Variants in MAP3K13 observed in about 807,000 individuals in gnomAD.
MAP3K13 encodes leucine zipper-bearing kinase.
Under a neutral mutation model 104.0 loss-of-function variants are expected in MAP3K13, and 52 were observed. That is an observed-to-expected ratio of 0.50 (90% CI 0.40 to 0.63). The LOEUF (loss-of-function observed/expected upper bound fraction) is 0.63, where lower values mean the gene tolerates loss of function less well. MAP3K13 is among the 20% of genes least tolerant of loss of function. MAP3K13 has a pLI of 0.00. For synonymous variants in MAP3K13, 394 were observed against 442.2 expected, an observed-to-expected ratio of 0.89 and a Z score of 1.37; for missense variants, 914 against 1,218.5, an observed-to-expected ratio of 0.75 and a Z score of 3.72.
At chr3:185,411,003 G>A (rs1423963404) in intron 1 of MAP3K13, among the ~76,000 whole-genome samples, 2 of 151,514 alleles carry the variant, frequency 1.3e-5, no homozygotes, top group Non-Finnish European at 2.9e-5. Context: ...AGTAAGTGAT[G>A]TTTATGTTAT....
chr3:185,331,268 T>C (rs1297373456), intron 2 of MAP3K13, among the ~76,000 whole-genome samples: 2 of 151,828 alleles, frequency 1.3e-5, no homozygotes, highest in East Asian at 1.9e-4. Context: ...TAATTTTGTA[T>C]TTTTAGTAAG....
chr3:185,307,547 T>TCCCCCCCCCCCCCAC (rs1560041671), intron 2 of MAP3K13, among the ~76,000 whole-genome samples: 1 of 110,230 alleles, frequency 9.1e-6, no homozygotes, highest in Non-Finnish European at 1.7e-5. Flanking sequence ...CACCACCCCC[T>TCCCCCCCCCCCCCAC]CCCCCGCCAC....
intron 2 of MAP3K13, among the ~76,000 whole-genome samples, chr3:185,325,407 A>G (rs535379322): frequency 6.6e-6 from 1 of 152,284 alleles, no homozygotes; most frequent in East Asian, 1.9e-4. Flanking sequence ...ATACAGTCAC[A>G]TTCATAGATT....
chr3:185,455,681 G>C (rs62650470), intron 7 of MAP3K13, among the ~76,000 whole-genome samples: 20 of 8,172 alleles, frequency 2.4e-3, no homozygotes, highest in East Asian at 9.1e-3. Flanking sequence ...ATATATATGA[G>C]ATATATATAT....
At chr3:185,419,963 T>G (rs1455810025) in intron 1 of MAP3K13, among the ~76,000 whole-genome samples, 1 of 152,192 alleles carries the variant, frequency 6.6e-6, no homozygotes, top group Non-Finnish European at 1.5e-5. Flanking sequence ...GTAATCACAG[T>G]TGCATTTATA....
chr3:185,346,979 C>A (rs1722948140), intron 2 of MAP3K13, among the ~76,000 whole-genome samples: 1 of 142,548 alleles, frequency 7.0e-6, no homozygotes, highest in Non-Finnish European at 1.5e-5. Context: ...GTTCATAGCA[C>A]AAAGGAAGTT....
At position 185,431,756 on chromosome 3, in the gene MAP3K13, C is replaced by A. The variant is rs2148885450; in HGVS notation, c.475+2700C>A. Among the ~76,000 whole-genome samples, 2 of 152,260 alleles carry A rather than the reference C, an allele frequency of 1.3e-5. 1 individual carries two copies. The highest frequency in any genetic ancestry group is 4.1e-4 in the South Asian group (2 of 4,820). ...GTTACCATTATCCACTTTTTTCATG[C>A]ATTTTATTTCCCCTGTTTCTGCAAT... On this transcript the variant is annotated intron_variant, in intron 2 of 13. Coordinates refer to ENST00000265026, the MANE Select transcript of MAP3K13 (RefSeq NM_004721.5).
chr3:185,331,364 G>A (rs1226522522), intron 2 of MAP3K13, among the ~76,000 whole-genome samples: 3 of 151,896 alleles, frequency 2.0e-5, no homozygotes, highest in African/African-American at 7.3e-5. Context: ...CAAAGTGCTG[G>A]GATTACAGGC....
intron 2 of MAP3K13, among the ~76,000 whole-genome samples, chr3:185,305,918 C>A (rs1221175033): frequency 6.6e-6 from 1 of 152,172 alleles, no homozygotes. Flanking sequence ...CAACTCTTGT[C>A]TCCCTTCCTC....
chr3:185,322,888 A>G (rs931270243), intron 2 of MAP3K13, among the ~76,000 whole-genome samples: 2 of 151,836 alleles, frequency 1.3e-5, no homozygotes, highest in African/African-American at 4.8e-5. Flanking sequence ...TTTTCACTGT[A>G]ATTTCATTAT....
intron 1 of MAP3K13, chr3:185,283,217 G>C (rs1335385124): frequency 6.6e-6 from 1 of 152,376 alleles, no homozygotes; most frequent in East Asian, 1.9e-4. Context: ...TTGGGAACTT[G>C]GTCTTGGGGC....
At chr3:185,290,125 G>GT (rs899997438) in intron 2 of MAP3K13, among the ~76,000 whole-genome samples, 44 of 151,138 alleles carry the variant, frequency 2.9e-4, no homozygotes, top group African/African-American at 8.5e-4. Context: ...CTTGAATAAC[G>GT]TTTTTTTTGG....
chr3:185,393,718 A>G (rs1405811405), intron 1 of MAP3K13, among the ~76,000 whole-genome samples: 3 of 152,176 alleles, frequency 2.0e-5, no homozygotes, highest in Non-Finnish European at 4.4e-5. Context: ...TCGGCCTCCA[A>G]AGTGCTGGGA....
chr3:185,454,885 T>TC (rs1467041567), intron 7 of MAP3K13, among the ~76,000 whole-genome samples: 9 of 68,054 alleles, frequency 1.3e-4, no homozygotes, highest in Middle Eastern at 0.023. Context: ...ATATATATGA[T>TC]ATATATATGA....
chr3:185,433,802 T>C (rs1714876479), intron 2 of MAP3K13, among the ~76,000 whole-genome samples: 1 of 152,214 alleles, frequency 6.6e-6, no homozygotes, highest in African/African-American at 2.4e-5. Context: ...CGGAATACTT[T>C]GTATTTGAGT....
intron 1 of MAP3K13, among the ~76,000 whole-genome samples, chr3:185,400,063 A>G (rs1250951537): frequency 6.6e-6 from 1 of 152,144 alleles, no homozygotes; most frequent in African/African-American, 2.4e-5. Context: ...AAACAGAATC[A>G]TCTTTCAAAT....
chr3:185,305,119 A>G (rs190930581), intron 2 of MAP3K13, among the ~76,000 whole-genome samples: 1 of 152,290 alleles, frequency 6.6e-6, no homozygotes, highest in African/African-American at 2.4e-5. Context: ...AATTATTGTT[A>G]GGGAAGGACT....
intron 2 of MAP3K13, among the ~76,000 whole-genome samples, chr3:185,331,490 ATG>A (rs1246970440): frequency 8.2e-6 from 1 of 121,216 alleles, no homozygotes; most frequent in Non-Finnish European, 1.8e-5. Context: ...CTGTGTGTGT[ATG>A]TGTGTGTGTG....
chr3:185,443,329 A>G, intron 3 of MAP3K13, 116 bp from the exon 4 acceptor site: 1 of 683,814 alleles, frequency 1.5e-6, no homozygotes, highest in Non-Finnish European at 2.4e-6. Context: ...ACTATTATCT[A>G]TACACATTTT....
Sources: allele counts gnomAD v4.1 joint callset (sites outside exome capture counted in the v4.1 genomes callset), GRCh38; gene constraint gnomAD v4.1.1; transcripts MANE v1.5; gene names NCBI Gene and HGNC (gene_info 2026-07-23, HGNC 2026-07-21).